NEK9: variants seen among roughly 807,000 people sequenced by gnomAD.
NEK9 encodes the protein NIMA related kinase 9.
In NEK9, 75 loss-of-function variants were observed where a neutral mutation model predicts 123.4. The observed-to-expected ratio is 0.61, with a 90% CI of 0.50 to 0.74. The LOEUF (loss-of-function observed/expected upper bound fraction) is 0.74, where lower values mean the gene tolerates loss of function less well. Ranked by LOEUF, NEK9 falls within the 30% of genes least tolerant of loss-of-function variation. The pLI is 0.00. For synonymous variants in NEK9, 438 were observed against 458.7 expected, an observed-to-expected ratio of 0.95 and a Z score of 0.58; for missense variants, 952 against 1,214.4, an observed-to-expected ratio of 0.78 and a Z score of 3.21.
At chr14:75,089,843 C>T (rs539172961) in intron 19 of NEK9, among the ~76,000 whole-genome samples, 14 of 152,244 alleles carry the variant, frequency 9.2e-5, no homozygotes, top group South Asian at 4.1e-4. Flanking sequence ...GGACTACAGG[C>T]GTGCGCCACA....
At chr14:75,088,692 T>C (rs761825348) in intron 19 of NEK9, 51 bp from the exon 20 acceptor site, 25 of 1,541,950 alleles carry the variant, frequency 1.6e-5, no homozygotes, top group Non-Finnish European at 2.2e-5. Flanking sequence ...ATTTGCTTCC[T>C]CCCAAATTCC....
At chr14:75,117,749 C>T (rs568522478) in intron 5 of NEK9, among the ~76,000 whole-genome samples, 8 of 152,284 alleles carry the variant, frequency 5.3e-5, no homozygotes, top group South Asian at 2.1e-4. Context: ...CTAAAATACG[C>T]GCAATGAAAC....
In NEK9 at chr14:75,124,066, A is replaced by G. The variant is rs749945155; in HGVS notation, c.377T>C (p.Ile126Thr). 2 of 1,612,930 alleles carry G rather than the reference A, an allele frequency of 1.2e-6. No individual in the cohort carries two copies. The highest frequency in any genetic ancestry group is 1.7e-6 in the Non-Finnish European group (2 of 1,178,956). The change falls in exon 2 of 22, where the codon ATT becomes ACT. Residue 126 changes from isoleucine to threonine, a missense_variant. This residue lies in a region of NEK9 where 106 missense variants were observed against 153.0 expected (regional missense o/e 0.69). Coordinates refer to ENST00000238616, the MANE Select transcript of NEK9 (RefSeq NM_033116.6). ...CTTACCATTACAATATTCCAGCTCA[A>G]TCAGCAGCGTGGTATTGTCCATGAA... ...NHFMDNTTLL[I>T]ELEYCNGGNL...
intron 21 of NEK9, among the ~76,000 whole-genome samples, chr14:75,085,958 AG>A (rs1156443214): frequency 6.6e-6 from 1 of 152,052 alleles, no homozygotes; most frequent in Non-Finnish European, 1.5e-5. Context: ...TGGGAGGCCG[AG>A]GCAGGTGGAT....
chr14:75,095,071 A>T, intron 18 of NEK9, among the ~76,000 whole-genome samples: 1 of 152,166 alleles, frequency 6.6e-6, no homozygotes, highest in East Asian at 1.9e-4. Flanking sequence ...TAGAGGACTC[A>T]TTACCCCCTA....
At chr14:75,093,099 T>TA (rs1281239959) in intron 18 of NEK9, among the ~76,000 whole-genome samples, 1 of 152,224 alleles carries the variant, frequency 6.6e-6, no homozygotes, top group Non-Finnish European at 1.5e-5. Context: ...GAACTAGAAT[T>TA]GCACTATCCA....
Position 75,109,722 on chromosome 14 carries a change from G to A in NEK9, c.1145C>T (p.Ala382Val), listed in dbSNP as rs1894896400. 1 of 1,613,902 alleles carries A rather than the reference G, an allele frequency of 6.2e-7. No homozygotes were observed. Among genetic ancestry groups the A allele is most frequent in the Admixed American group, 1.7e-5 (1 of 59,928 alleles). ...CAGTTCCTTCTCCACTGTGACCACA[G>A]CAAAGTGGGTATTCCCTGCACAGAC... ...RQVCAGNTHFAVVTVEKELYT... is the reference protein window; with the variant it reads ...RQVCAGNTHFVVVTVEKELYT... The change falls in exon 10 of 22, where the codon GCT (alanine) becomes GTT (valine). Residue 382 changes from alanine (A) to valine (V), a missense_variant. Ala to Val is a moderately conservative substitution (Grantham distance 64). Coordinates refer to ENST00000238616, the MANE Select transcript of NEK9 (RefSeq NM_033116.6).
In NEK9 at chr14:75,084,601, C is replaced by T; in HGVS notation, c.2903G>A (p.Cys968Tyr). The change falls in exon 22 of 22, where the codon TGC becomes TAC. Residue 968 changes from cysteine to tyrosine, a missense_variant. By Grantham distance (194) the Cys-to-Tyr change is radical. Coordinates refer to ENST00000238616, the MANE Select transcript of NEK9 (RefSeq NM_033116.6). ...TCTACAGGAGTCTGTTCCCAGGAGG[C>T]ACCAGGAATCTGAATCTAAGTCAGG... The part of the protein sequence containing the change: ...PKPDLDSDSW[C>Y]LLGTDSCRPS... The T allele has an allele frequency of 6.2e-7, 1 of 1,614,182 alleles. No individual in the cohort carries two copies. Among genetic ancestry groups the T allele is most frequent in the Non-Finnish European group, 8.5e-7 (1 of 1,180,022 alleles).
At chr14:75,127,054 C>T (rs978933983), upstream of NEK9, 14 of 661,758 alleles carry the variant, frequency 2.1e-5, no homozygotes, top group African/African-American at 3.9e-5. Flanking sequence ...ATGGTGGCTC[C>T]TGCCCCCCGA....
At chr14:75,112,453 G>T (rs997762350) in intron 8 of NEK9, among the ~76,000 whole-genome samples, 4 of 152,134 alleles carry the variant, frequency 2.6e-5, no homozygotes, top group Middle Eastern at 3.2e-3. Context: ...AATAAAACTC[G>T]ACTTCAAATA....
intron 8 of NEK9, among the ~76,000 whole-genome samples, chr14:75,112,132 G>A (rs1473458403): frequency 2.0e-5 from 3 of 152,116 alleles, no homozygotes; most frequent in African/African-American, 7.2e-5. Flanking sequence ...TGGCATAGTA[G>A]AATAAAAGTA....
rs1319698901 is a variant in NEK9 at position 75,088,626 on chromosome 14, C to G, written c.2458G>C (p.Glu820Gln). The change falls in exon 20 of 22, where the codon GAA becomes CAA. Residue 820 changes from glutamate (E) to glutamine (Q), a missense_variant. This residue lies in a region of NEK9 where 698 missense variants were observed against 875.6 expected (regional missense o/e 0.80). Transcript: ENST00000238616. ...GGGCTGTCAGGCATGGGGATAAATT[C>G]TGCATTTTCCAGCTCCTATGTATAT... ...GWLRKELENAEFIPMPDSPSP... is the reference protein window; with the variant it reads ...GWLRKELENAQFIPMPDSPSP... 4 of 1,613,802 alleles carry G rather than the reference C, an allele frequency of 2.5e-6. No homozygotes were observed. The Admixed American group carries it at 5.0e-5, about 20-fold the overall frequency.
At chr14:75,102,334 GTTT>G in intron 14 of NEK9, among the ~76,000 whole-genome samples, 1 of 151,874 alleles carries the variant, frequency 6.6e-6, no homozygotes, top group Non-Finnish European at 1.5e-5. Context: ...TCTGAATATT[GTTT>G]TTTTTGTTTT....
chr14:75,109,658 G>C (rs1476397762), intron 10 of NEK9, 27 bp downstream of exon 10: 2 of 1,599,938 alleles, frequency 1.3e-6, no homozygotes, highest in Non-Finnish European at 1.7e-6. Context: ...TTACAGCACT[G>C]TTCCAAAATG....
In NEK9 at chr14:75,081,136, G is replaced by A. The variant is rs1018287451; in HGVS notation, c.*3428C>T. Reference sequence around the variant, plus strand: ...TTTTTTTGTATTTTTAGTAGAGACGGGATTTCACTGTGTTAGCCAGGATGG... The same window carrying A: ...TTTTTTTGTATTTTTAGTAGAGACGAGATTTCACTGTGTTAGCCAGGATGG... On this transcript the variant is annotated 3_prime_UTR_variant, in exon 22 of 22. Coordinates refer to ENST00000238616, the MANE Select transcript of NEK9 (RefSeq NM_033116.6). The surrounding 1 kb of genome is among the most constrained non-coding windows in gnomAD (Gnocchi z 4.2). 6.6e-6 allele frequency: 1 copy of A among 150,388 alleles called. No homozygotes were observed. Among genetic ancestry groups the A allele is most frequent in the Non-Finnish European group, 1.5e-5 (1 of 67,852 alleles). 9.3% of individuals were successfully genotyped at this position (150,388 alleles called of 1,614,324 possible). A position where few individuals can be genotyped will look rare whatever the true frequency, so the allele number is the denominator to read the frequency against.
chr14:75,092,468 T>C (rs1460768357), intron 18 of NEK9, among the ~76,000 whole-genome samples: 1 of 152,024 alleles, frequency 6.6e-6, no homozygotes, highest in Non-Finnish European at 1.5e-5. Flanking sequence ...GGTTTCACCA[T>C]GTTGGCCAGG....
In NEK9 at chr14:75,082,775, T is replaced by G; in HGVS notation, c.*1789A>C. The G allele has an allele frequency of 2.6e-6, 1 of 389,696 alleles. No homozygotes were observed. The allele number at this position is 389,696 out of a possible 1,614,324, so 24.1% of individuals were successfully genotyped here. A position where few individuals can be genotyped will look rare whatever the true frequency, so the allele number is the denominator to read the frequency against. On this transcript the variant is annotated 3_prime_UTR_variant, in exon 22 of 22. Coordinates refer to ENST00000238616, the MANE Select transcript of NEK9 (RefSeq NM_033116.6). ...CATGAGGATACAGGGACATGACAGG[T>G]CAATCGGTCCTCAAGAAAATCAAAG...
At chr14:75,105,164 A>G (rs1451588655) in intron 13 of NEK9, among the ~76,000 whole-genome samples, 1 of 152,118 alleles carries the variant, frequency 6.6e-6, no homozygotes, top group African/African-American at 2.4e-5. Flanking sequence ...AAAACCTGAA[A>G]CCTCAACCCT....
At chr14:75,121,956 G>A (rs529456597) in intron 2 of NEK9, among the ~76,000 whole-genome samples, 9 of 152,154 alleles carry the variant, frequency 5.9e-5, no homozygotes, top group Admixed American at 5.2e-4. Flanking sequence ...ACTTCACACC[G>A]AAATATTTCC....
Sources: gnomAD v4.1 joint callset for allele counts (sites outside exome capture counted in the v4.1 genomes callset) on GRCh38, gnomAD v4.1.1 for gene constraint, gnomAD v4.1.1 regional missense constraint, Gnocchi (gnomAD v3.1) non-coding constraint, MANE v1.5 for transcripts, NCBI Gene and HGNC (gene_info 2026-07-23, HGNC 2026-07-21) for gene names.